ZSCAN30: variants seen among roughly 807,000 people sequenced by gnomAD.
ZSCAN30 encodes the protein zinc finger and SCAN domain-containing protein 30.
A neutral mutation model predicts 44.3 loss-of-function variants in ZSCAN30; 37 were observed. That is an observed-to-expected ratio of 0.84 (90% CI 0.64 to 1.10). ZSCAN30 has a LOEUF of 1.10. ZSCAN30 is among the 50% of genes least tolerant of loss of function. The pLI is 0.00. For synonymous variants in ZSCAN30, 181 were observed against 204.6 expected (o/e 0.88, Z 0.98); for missense variants, 549 against 582.6 (o/e 0.94, Z 0.59).
chr18:35,263,469 C>T (rs200690092), intron 3 of ZSCAN30, 44 bp downstream of exon 3: 2 of 1,610,060 alleles, frequency 1.2e-6, no homozygotes, highest in South Asian at 2.2e-5. Context: ...CAGTTGATAG[C>T]TCTCACCTCC....
intron 3 of ZSCAN30, chr18:35,259,670 A>G (rs2043970882): frequency 1.9e-5 from 3 of 154,418 alleles, no homozygotes; most frequent in Middle Eastern, 1.1e-3. Context: ...GCTGGGGGTT[A>G]CAGCTTCAAC....
intron 1 of ZSCAN30, chr18:35,269,917 A>G (rs190283613): frequency 1.3e-5 from 2 of 152,302 alleles, no homozygotes; most frequent in East Asian, 1.9e-4. Context: ...AACATACTCA[A>G]TTTGTTCATT....
intron 3 of ZSCAN30, among the ~76,000 whole-genome samples, chr18:35,255,323 T>C (rs1391128654): frequency 6.6e-6 from 1 of 151,642 alleles, no homozygotes. Flanking sequence ...TATCTAGAGA[T>C]TTCTAGTAAC....
chr18:35,253,671 A>C lies in ZSCAN30; in HGVS notation c.1264T>G (p.Phe422Val). 1.9e-6 allele frequency: 3 copies of C among 1,614,080 alleles called. No homozygotes were observed. The highest frequency in any genetic ancestry group is 2.5e-6 in the Non-Finnish European group (3 of 1,180,000). Residue 422 changes from phenylalanine to valine, a missense_variant, in exon 4 of 4, where the codon TTT becomes GTT. Phe to Val is a conservative substitution (Grantham distance 50). Transcript: ENST00000333206. ...SYECIACGKA[F>V]GRSSILIEHQ... is the part of the protein sequence containing the mutation. The stretch of plus-strand genomic sequence containing the variant: ...TCAATAAGGATAGAACTCCTACCAA[A>C]AGCCTTACCACATGCAATACATTCA...
rs2044104809 is a variant in ZSCAN30, at chr18:35,264,462, G to T, written c.-103-7C>A. 2.7e-6 allele frequency: 3 copies of T among 1,112,354 alleles called. No homozygotes were observed. The South Asian group carries it at 4.8e-5, about 18-fold the overall frequency. 68.9% of individuals were successfully genotyped at this position (1,112,354 alleles called of 1,614,324 possible). A position where few individuals can be genotyped will look rare whatever the true frequency, so the allele number is the denominator to read the frequency against. ...CCAACTCCCCAGGACGCTCCTGAGG[G>T]TGGACAATGCTCATGTTACACAGGG... On this transcript the variant is annotated splice_polypyrimidine_tract_variant and splice_region_variant and intron_variant, in intron 1 of 3. Transcript: ENST00000333206.
At chr18:35,264,642 A>G (rs1257219796) in intron 1 of ZSCAN30, among the ~76,000 whole-genome samples, 187 bp from the exon 2 acceptor site, 2 of 152,230 alleles carry the variant, frequency 1.3e-5, no homozygotes, top group Admixed American at 6.5e-5. Context: ...GAAAAATGTT[A>G]GTATGGCTGA....
chr18:35,263,957 C>T lies in ZSCAN30; in HGVS notation c.396G>A (p.Glu132=), dbSNP rs1315904039. The T allele has an allele frequency of 6.2e-7, 1 of 1,613,848 alleles. No homozygotes were observed. Among genetic ancestry groups the T allele is most frequent in the East Asian group, 2.2e-5 (1 of 44,884 alleles). ...GTTTACTTCTTACCTGTTGCCTTGG[C>T]TCCTCCAGTTCTTTTTCCAGCTCCT... ...MLEELEKELE[E]PRQQDTTHGQ... Residue 132 remains glutamate, a synonymous_variant, in exon 2 of 4, where the codon GAG becomes GAA. Transcript: ENST00000333206.
At chr18:35,259,887 G>C (rs532084921) in intron 3 of ZSCAN30, among the ~76,000 whole-genome samples, 1 of 152,356 alleles carries the variant, frequency 6.6e-6, no homozygotes, top group East Asian at 1.9e-4. Flanking sequence ...TTAAGTTCCA[G>C]GATGCATGTG....
At chr18:35,272,320 G>A (rs145774992) in intron 1 of ZSCAN30, among the ~76,000 whole-genome samples, 1,618 of 151,198 alleles carry the variant, frequency 0.011, 28 homozygotes, top group African/African-American at 0.038. Flanking sequence ...GTGAGCCACC[G>A]TGCCCGGCCC....
rs952575406 is a variant in ZSCAN30, at chr18:35,290,201, T to C, written c.-221A>G. The stretch of plus-strand genomic sequence containing the variant: ...AGCAGGTCCCTGGCTAAGGCACTGC[T>C]AGGGACAGCTCGCGGCGGTTCGGGG... On this transcript the variant is annotated 5_prime_UTR_variant, in exon 1 of 4. Coordinates refer to ENST00000333206, the MANE Select transcript of ZSCAN30 (RefSeq NM_001112734.4). 7.9e-5 allele frequency: 12 copies of C among 152,248 alleles called. No individual in the cohort carries two copies. Among genetic ancestry groups the C allele is most frequent in the African/African-American group, 2.9e-4 (12 of 41,404 alleles). The allele number at this position is 152,248 out of a possible 1,614,324, so 9.4% of individuals were successfully genotyped here.
Position 35,264,050 on chromosome 18 carries a change from A to G in ZSCAN30, c.303T>C (p.Pro101=). The G allele has an allele frequency of 1.2e-6, 2 of 1,614,176 alleles. No homozygotes were observed. The highest frequency in any genetic ancestry group is 1.7e-6 in the Non-Finnish European group (2 of 1,180,028). ...LMLEQFLAIL[P]EELQAWLREH... ...CTCGCAGCCAAGCTTGCAGCTCCTCAGGAAGGATGGCCAGGAACTGCTCCA... is the reference window on the plus strand; with the variant it reads ...CTCGCAGCCAAGCTTGCAGCTCCTCGGGAAGGATGGCCAGGAACTGCTCCA... Residue 101 remains proline (P), a synonymous_variant, in exon 2 of 4, where the codon CCT becomes CCC. Coordinates refer to ENST00000333206, the MANE Select transcript of ZSCAN30 (RefSeq NM_001112734.4).
intron 1 of ZSCAN30, chr18:35,283,211 C>T (rs1001941843): frequency 3.3e-5 from 5 of 150,428 alleles, no homozygotes; most frequent in African/African-American, 1.0e-4. Context: ...GGTGAGACCC[C>T]GTCTCTACTA....
At chr18:35,270,733 A>G (rs912019409) in intron 1 of ZSCAN30, among the ~76,000 whole-genome samples, 2 of 152,222 alleles carry the variant, frequency 1.3e-5, no homozygotes. Context: ...GGCACAGGCC[A>G]CTACTGTGTC....
intron 1 of ZSCAN30, among the ~76,000 whole-genome samples, chr18:35,276,127 G>A (rs747575516): frequency 6.6e-6 from 1 of 152,210 alleles, no homozygotes; most frequent in African/African-American, 2.4e-5. Flanking sequence ...GTATTTGACT[G>A]ATTTGGATAT....
At chr18:35,274,134 G>A (rs1214764235) in intron 1 of ZSCAN30, among the ~76,000 whole-genome samples, 1 of 152,152 alleles carries the variant, frequency 6.6e-6, no homozygotes, top group Non-Finnish European at 1.5e-5. Flanking sequence ...TCCTGCCTCA[G>A]CCTCCCAAGT....
intron 3 of ZSCAN30, chr18:35,260,313 A>C (rs1312097827): frequency 6.6e-6 from 1 of 152,236 alleles, no homozygotes; most frequent in Non-Finnish European, 1.5e-5. Context: ...GTAGTACTGC[A>C]ATGAACATAT....
At chr18:35,289,106 G>A (rs1299064354) in intron 1 of ZSCAN30, among the ~76,000 whole-genome samples, 2 of 152,072 alleles carry the variant, frequency 1.3e-5, no homozygotes, top group African/African-American at 4.8e-5. Flanking sequence ...CTCCCAAGTA[G>A]CTGGGATTAA....
chr18:35,271,643 C>T (rs937487029), intron 1 of ZSCAN30, among the ~76,000 whole-genome samples: 8 of 152,250 alleles, frequency 5.3e-5, no homozygotes, highest in Admixed American at 2.0e-4. Context: ...AGTCCTGCAC[C>T]GCGTGCCTGC....
At chr18:35,256,726 G>C (rs1180851935) in intron 3 of ZSCAN30, among the ~76,000 whole-genome samples, 2 of 152,040 alleles carry the variant, frequency 1.3e-5, no homozygotes, top group Non-Finnish European at 2.9e-5. Flanking sequence ...GAGAAATAAG[G>C]CACAGGTATC....
Sources: gnomAD v4.1 joint callset for allele counts (sites outside exome capture counted in the v4.1 genomes callset) on GRCh38, gnomAD v4.1.1 for gene constraint, MANE v1.5 for transcripts, NCBI Gene and HGNC (gene_info 2026-07-23, HGNC 2026-07-21) for gene names.